The following CHCHD3 variants were observed in gnomAD, a reference collection of about 807,000 sequenced individuals.
The protein encoded by CHCHD3 is coiled-coil-helix-coiled-coil-helix domain containing 3.
A neutral mutation model predicts 38.2 loss-of-function variants in CHCHD3; 20 were observed. The ratio of observed to expected loss-of-function variants is 0.52; its 90% confidence interval spans 0.37 to 0.76. The LOEUF (loss-of-function observed/expected upper bound fraction) is 0.76, where lower values mean the gene tolerates loss of function less well. Among genes scored for constraint, CHCHD3 ranks in the 30% least tolerant of loss-of-function variants. The pLI is 0.00. For synonymous variants in CHCHD3, 82 were observed against 100.0 expected (o/e 0.82, Z 1.07); for missense variants, 245 against 279.2 (o/e 0.88, Z 0.87).
intron 5 of CHCHD3, among the ~76,000 whole-genome samples, chr7:132,872,511 C>G (rs1808790443): frequency 6.6e-6 from 1 of 152,224 alleles, no homozygotes; most frequent in Non-Finnish European, 1.5e-5. Flanking sequence ...TGCATCCCCT[C>G]AGAGGAATAA....
chr7:133,008,122 G>T (rs1333767154), intron 3 of CHCHD3, among the ~76,000 whole-genome samples: 2 of 152,128 alleles, frequency 1.3e-5, no homozygotes, highest in Non-Finnish European at 2.9e-5. Context: ...TTCATGACTG[G>T]ACAACACCCT....
In CHCHD3 at chr7:132,788,970, G is replaced by T. The variant is rs1215894839; in HGVS notation, c.661-3310C>A. On this transcript the variant is annotated intron_variant, in intron 7 of 7. Coordinates refer to ENST00000262570, the MANE Select transcript of CHCHD3 (RefSeq NM_017812.4). The surrounding 1 kb of genome is among the most constrained non-coding windows in gnomAD (Gnocchi z 4.0). ...GGCAGGCTGGATTTTTAAAAAAGAT[G>T]AATTCATCTGTCAAACATTTTGGGT... is the stretch of plus-strand genomic sequence containing the variant. Among the ~76,000 whole-genome samples, 1 of 152,186 alleles carries T rather than the reference G, an allele frequency of 6.6e-6. No individual in the cohort carries two copies. Among genetic ancestry groups the T allele is most frequent in the Non-Finnish European group, 1.5e-5 (1 of 68,030 alleles).
intron 6 of CHCHD3, among the ~76,000 whole-genome samples, chr7:132,837,544 A>G (rs747359719): frequency 6.6e-6 from 1 of 152,244 alleles, no homozygotes; most frequent in African/African-American, 2.4e-5. Context: ...TTACAATAAC[A>G]CTAATATCCA....
At chr7:132,977,746 T>C (rs1384426754) in intron 3 of CHCHD3, among the ~76,000 whole-genome samples, 2 of 152,248 alleles carry the variant, frequency 1.3e-5, no homozygotes, top group Non-Finnish European at 2.9e-5. Context: ...TTGGTGTATC[T>C]AATTTTAAAG....
intron 4 of CHCHD3, among the ~76,000 whole-genome samples, chr7:132,900,224 G>A (rs1809631742): frequency 6.6e-6 from 1 of 152,282 alleles, no homozygotes; most frequent in African/African-American, 2.4e-5. Context: ...ACTCATTGCT[G>A]CTAACCAATA....
chr7:132,912,402 A>G (rs912638804), intron 4 of CHCHD3, among the ~76,000 whole-genome samples: 1 of 152,204 alleles, frequency 6.6e-6, no homozygotes, highest in African/African-American at 2.4e-5. Flanking sequence ...AGGTAAAATG[A>G]TGCTGGCAGT....
chr7:133,024,463 C>T (rs1012953235), intron 3 of CHCHD3, 83 bp downstream of exon 3: 34 of 1,016,256 alleles, frequency 3.3e-5, no homozygotes, highest in African/African-American at 3.0e-4. Context: ...AATAATGAGA[C>T]TTATCACAAT....
chr7:133,022,567 T>G, intron 3 of CHCHD3: 1 of 436,878 alleles, frequency 2.3e-6, no homozygotes, highest in South Asian at 1.7e-5. Context: ...GAACACACAT[T>G]TTTTGCCAAG....
chr7:132,875,693 C>T (rs539248371), intron 5 of CHCHD3, among the ~76,000 whole-genome samples: 1 of 152,156 alleles, frequency 6.6e-6, no homozygotes, highest in African/African-American at 2.4e-5. Flanking sequence ...TTGAATAGAG[C>T]CTGGCTCACT....
At chr7:132,800,373 A>G (rs1806759303) in intron 6 of CHCHD3, among the ~76,000 whole-genome samples, 1 of 152,204 alleles carries the variant, frequency 6.6e-6, no homozygotes, top group East Asian at 1.9e-4. Context: ...TTAAGACTCT[A>G]TAACACAGTT....
chr7:132,995,321 T>C (rs751127792), intron 3 of CHCHD3, among the ~76,000 whole-genome samples: 44 of 152,176 alleles, frequency 2.9e-4, no homozygotes, highest in Non-Finnish European at 5.9e-4. Context: ...CATGAAGCCA[T>C]CACTACTATC....
chr7:133,025,268 G>C lies in CHCHD3; in HGVS notation c.170-641C>G, dbSNP rs142028760. 1.8e-3 allele frequency among the ~76,000 whole-genome samples: 273 copies of C among 152,244 alleles called. 3 individuals carry two copies. The Middle Eastern group carries it at 0.024, about 13-fold the overall frequency. On this transcript the variant is annotated intron_variant, in intron 2 of 7. Transcript: ENST00000262570. ...CCTGGTGACTGGATTTGAAACATCT[G>C]GTCTTTCCAATTAGAAGACTGTGTG... is the stretch of plus-strand genomic sequence containing the variant.
At chr7:132,982,336 G>GTC in intron 3 of CHCHD3, among the ~76,000 whole-genome samples, 1 of 152,272 alleles carries the variant, frequency 6.6e-6, no homozygotes, top group African/African-American at 2.4e-5. Context: ...CCAGGCTAGA[G>GTC]TGCAGTGGTG....
intron 1 of CHCHD3, among the ~76,000 whole-genome samples, chr7:133,072,306 T>G (rs988042014): frequency 3.3e-5 from 5 of 151,922 alleles, no homozygotes. Context: ...AGAACACACT[T>G]AAAAGGTATT....
chr7:132,811,371 C>T (rs550435146), intron 6 of CHCHD3, among the ~76,000 whole-genome samples: 37 of 152,322 alleles, frequency 2.4e-4, no homozygotes, highest in African/African-American at 7.7e-4. Flanking sequence ...GGTGGTCACA[C>T]CACCGGTGGC....
intron 5 of CHCHD3, among the ~76,000 whole-genome samples, chr7:132,881,669 CA>C (rs745669395): frequency 2.4e-4 from 36 of 152,274 alleles, no homozygotes; most frequent in Non-Finnish European, 4.6e-4. Context: ...AAACCACAGG[CA>C]ACCTGGATTT....
At chr7:133,021,042 T>C (rs1052800803) in intron 3 of CHCHD3, among the ~76,000 whole-genome samples, 4 of 152,236 alleles carry the variant, frequency 2.6e-5, no homozygotes, top group African/African-American at 4.8e-5. Flanking sequence ...CTCCATCCAC[T>C]AGATGCCAAT....
chr7:133,065,645 G>A (rs989275716), intron 2 of CHCHD3, among the ~76,000 whole-genome samples: 4 of 152,090 alleles, frequency 2.6e-5, no homozygotes, highest in African/African-American at 9.7e-5. Flanking sequence ...ATTTTTGTAG[G>A]CTTGAAAAAT....
chr7:132,998,446 G>C (rs928007215), intron 3 of CHCHD3, among the ~76,000 whole-genome samples: 2 of 152,194 alleles, frequency 1.3e-5, no homozygotes, highest in African/African-American at 4.8e-5. Context: ...GGGGTCTCAG[G>C]TGTGAAATTG....
Sources: allele counts gnomAD v4.1 joint callset (sites outside exome capture counted in the v4.1 genomes callset), GRCh38; gene constraint gnomAD v4.1.1; non-coding constraint Gnocchi (gnomAD v3.1); transcripts MANE v1.5; gene names NCBI Gene and HGNC (gene_info 2026-07-23, HGNC 2026-07-21).